The following RNF11 variants were observed in gnomAD, a reference collection of about 807,000 sequenced individuals.
RNF11 encodes ring finger protein 11.
Under a neutral mutation model 15.8 loss-of-function variants are expected in RNF11, and 4 were observed. The observed-to-expected ratio is 0.25, with a 90% CI of 0.12 to 0.58. The LOEUF (loss-of-function observed/expected upper bound fraction) is 0.58, where lower values mean the gene tolerates loss of function less well. RNF11 is among the 20% of genes least tolerant of loss of function. RNF11 has a pLI of 0.91. For synonymous variants in RNF11, 68 were observed against 72.3 expected (o/e 0.94, Z 0.30); for missense variants, 139 against 194.4 (o/e 0.71, Z 1.70).
In RNF11 at chr1:51,271,552, A is replaced by G. The variant is rs1480323583; in HGVS notation, c.*230A>G. 9.6e-6 allele frequency: 4 copies of G among 418,394 alleles called. No individual in the cohort carries two copies. Among genetic ancestry groups the G allele is most frequent in the East Asian group, 7.5e-5 (2 of 26,714 alleles). The allele number at this position is 418,394 out of a possible 1,614,324, so 25.9% of individuals were successfully genotyped here. ...AAGCCTTGACCCAATGTTTAAAAAT[A>G]TAATTGTATTTAGATCTTGTTATTG... On this transcript the variant is annotated 3_prime_UTR_variant, in exon 3 of 3. Coordinates refer to ENST00000242719, the MANE Select transcript of RNF11 (RefSeq NM_014372.5).
At chr1:51,251,407 A>T in intron 1 of RNF11, 1 of 1,322,876 alleles carries the variant, frequency 7.6e-7, no homozygotes. Flanking sequence ...CCTCCGCGGA[A>T]GCCACCGCAG....
intron 1 of RNF11, among the ~76,000 whole-genome samples, chr1:51,250,220 G>A (rs1328688611): frequency 6.6e-6 from 1 of 152,122 alleles, no homozygotes; most frequent in African/African-American, 2.4e-5. Context: ...TTTAATATAT[G>A]TATACATCAT....
chr1:51,256,760 A>C (rs1646905930), intron 1 of RNF11, among the ~76,000 whole-genome samples: 1 of 151,712 alleles, frequency 6.6e-6, no homozygotes, highest in South Asian at 2.1e-4. Flanking sequence ...CACAACCTCC[A>C]CCTCCCTGGC....
chr1:51,266,623 T>A lies in RNF11; in HGVS notation c.124-3333T>A, dbSNP rs559603731. Among the ~76,000 whole-genome samples the A allele has an allele frequency of 5.3e-5, 8 of 152,230 alleles. 1 individual carries two copies. In the South Asian group the frequency reaches 1.7e-3, roughly 32 times the overall value. On this transcript the variant is annotated intron_variant, in intron 1 of 2. Transcript: ENST00000242719. ...GACTACAGGTGTACATCACCACTTC[T>A]GGCTAATTTTTGTATCTTTTATAGA...
chr1:51,252,414 A>G (rs976441634), intron 1 of RNF11, among the ~76,000 whole-genome samples: 1 of 152,106 alleles, frequency 6.6e-6, no homozygotes, highest in Non-Finnish European at 1.5e-5. Flanking sequence ...CAGGAATTCG[A>G]GACCAGCCTG....
At chr1:51,264,313 TATATACACACACACAC>T (rs1646945582) in intron 1 of RNF11, among the ~76,000 whole-genome samples, 1 of 101,792 alleles carries the variant, frequency 9.8e-6, no homozygotes, top group Non-Finnish European at 1.8e-5. Flanking sequence ...TATATATATA[TATATACACACACACAC>T]ACACACACAC....
intron 1 of RNF11, among the ~76,000 whole-genome samples, chr1:51,260,434 C>T (rs1179874247): frequency 6.6e-6 from 1 of 152,146 alleles, no homozygotes; most frequent in Admixed American, 6.5e-5. Context: ...GACTGATTCT[C>T]AACCTGGCCC....
chr1:51,260,988 A>G (rs72898423), intron 1 of RNF11, among the ~76,000 whole-genome samples: 1 of 152,206 alleles, frequency 6.6e-6, no homozygotes, highest in African/African-American at 2.4e-5. Flanking sequence ...TCACATGCAC[A>G]TGAGAATCGA....
At chr1:51,271,104 G>A in intron 2 of RNF11, 47 bp from the exon 3 acceptor site, 2 of 1,502,210 alleles carry the variant, frequency 1.3e-6, no homozygotes, top group Admixed American at 1.7e-5. Context: ...TTCTGAATAG[G>A]ACACTTCTGA....
rs1646981547 is a variant in RNF11 at position 51,272,045 on chromosome 1, G to A, written c.*723G>A. 6.6e-6 allele frequency: 1 copy of A among 152,532 alleles called. No homozygotes were observed. The highest frequency in any genetic ancestry group is 1.5e-5 in the Non-Finnish European group (1 of 67,998). 9.4% of individuals were successfully genotyped at this position (152,532 alleles called of 1,614,324 possible). The stretch of plus-strand genomic sequence containing the variant: ...TATAAAAAATAAGTTAATGTGTCAA[G>A]AAACCAACTCTATTAAGGTGGGGTT... On this transcript the variant is annotated 3_prime_UTR_variant, in exon 3 of 3. Coordinates refer to ENST00000242719, the MANE Select transcript of RNF11 (RefSeq NM_014372.5).
intron 1 of RNF11, among the ~76,000 whole-genome samples, chr1:51,246,464 A>G (rs1048115256): frequency 1.3e-5 from 2 of 152,104 alleles, no homozygotes; most frequent in African/African-American, 2.4e-5. Flanking sequence ...AGTCCCAGCT[A>G]TAGGCTGAGG....
At chr1:51,269,918 A>T (rs373858540) in intron 1 of RNF11, 38 bp from the exon 2 acceptor site, 92 of 1,569,406 alleles carry the variant, frequency 5.9e-5, no homozygotes, top group African/African-American at 8.3e-5. Flanking sequence ...AAAGGTTTTT[A>T]AAAAATAATC....
At position 51,256,914 on chromosome 1, in the gene RNF11, TC is replaced by T. The variant is rs1023701077; in HGVS notation, c.124-13040del. Among the ~76,000 whole-genome samples, 16 of 152,298 alleles carry T rather than the reference TC, an allele frequency of 1.1e-4. No individual in the cohort carries two copies. In the East Asian group the frequency reaches 2.3e-3, roughly 22 times the overall value. ...GTTTCAAACTCCTGACCTCAGGTGA[TC>T]CTCCCGCCTTGGCTTTCCAAAGTGC... is the stretch of plus-strand genomic sequence containing the variant. On this transcript the variant is annotated intron_variant, in intron 1 of 2. Coordinates refer to ENST00000242719, the MANE Select transcript of RNF11 (RefSeq NM_014372.5).
intron 1 of RNF11, among the ~76,000 whole-genome samples, chr1:51,242,234 A>G (rs1218546203): frequency 6.6e-6 from 1 of 152,096 alleles, no homozygotes; most frequent in Admixed American, 6.5e-5. Context: ...AGAATTTATC[A>G]GATTGTTTTG....
chr1:51,261,941 G>A (rs12749342), intron 1 of RNF11, among the ~76,000 whole-genome samples: 6,214 of 152,000 alleles, frequency 0.041, 189 homozygotes, highest in Non-Finnish European at 0.061. Context: ...TGCAACCTCC[G>A]TCTCTCCGGT....
intron 1 of RNF11, chr1:51,251,372 C>A (rs945329273): frequency 1.4e-5 from 21 of 1,477,732 alleles, no homozygotes; most frequent in Middle Eastern, 4.7e-4. Flanking sequence ...GGCTGCGACC[C>A]CGGCCCCGGA....
chr1:51,249,642 C>G (rs1646867945), intron 1 of RNF11, among the ~76,000 whole-genome samples: 2 of 152,158 alleles, frequency 1.3e-5, no homozygotes, highest in South Asian at 4.1e-4. Context: ...GGCAGTAGTT[C>G]ACATTCTTTT....
At chr1:51,259,737 A>G (rs984806523) in intron 1 of RNF11, among the ~76,000 whole-genome samples, 4 of 152,226 alleles carry the variant, frequency 2.6e-5, no homozygotes, top group Non-Finnish European at 4.4e-5. Context: ...TCTTTTCTAA[A>G]GCACTTCAGT....
At chr1:51,246,581 G>A (rs1259185818) in intron 1 of RNF11, among the ~76,000 whole-genome samples, 1 of 152,078 alleles carries the variant, frequency 6.6e-6, no homozygotes, top group Non-Finnish European at 1.5e-5. Flanking sequence ...GGAAGGCCAG[G>A]TGTGGTGGCT....
Sources: gnomAD v4.1 joint callset for allele counts (sites outside exome capture counted in the v4.1 genomes callset) on GRCh38, gnomAD v4.1.1 for gene constraint, MANE v1.5 for transcripts, NCBI Gene and HGNC (gene_info 2026-07-23, HGNC 2026-07-21) for gene names.